KLF13: variants seen among roughly 807,000 people sequenced by gnomAD.
KLF13 encodes the protein Krueppel-like factor 13.
KLF13 carries 8 observed loss-of-function variants against 16.7 expected under a neutral mutation model. The observed-to-expected ratio is 0.48, with a 90% CI of 0.28 to 0.87. KLF13 has a LOEUF of 0.87. Ranked by LOEUF, KLF13 falls within the 40% of genes least tolerant of loss-of-function variation. The pLI, the probability that KLF13 is intolerant of heterozygous loss-of-function variation, is 0.10. For synonymous variants in KLF13, 245 were observed against 208.4 expected (o/e 1.18, Z -1.51); for missense variants, 447 against 452.2 (o/e 0.99, Z 0.10).
intron 1 of KLF13, among the ~76,000 whole-genome samples, chr15:31,338,723 A>AG (rs1196936428): frequency 6.6e-6 from 1 of 151,960 alleles, no homozygotes; most frequent in Non-Finnish European, 1.5e-5. Flanking sequence ...TCTGCAAACC[A>AG]GGGGGGCCAG....
intron 1 of KLF13, among the ~76,000 whole-genome samples, chr15:31,433,902 G>A (rs2040500452): frequency 6.6e-6 from 1 of 152,210 alleles, no homozygotes; most frequent in Non-Finnish European, 1.5e-5. Context: ...CCTAGCTCAG[G>A]GTCTTATCTG....
downstream of KLF13, among the ~76,000 whole-genome samples, chr15:31,379,536 T>C (rs577430313): frequency 1.3e-5 from 2 of 152,276 alleles, no homozygotes; most frequent in South Asian, 2.1e-4. Flanking sequence ...CCACCATTCA[T>C]GGAGCCCCCA....
chr15:31,396,633 C>T (rs1439174295), intron 2 of KLF13, among the ~76,000 whole-genome samples: 2 of 152,178 alleles, frequency 1.3e-5, no homozygotes, highest in Non-Finnish European at 2.9e-5. Flanking sequence ...CCAGCTGATC[C>T]ATGGAGTACA....
intron 1 of KLF13, among the ~76,000 whole-genome samples, chr15:31,432,518 C>T (rs1191700772): frequency 2.6e-5 from 4 of 151,142 alleles, no homozygotes; most frequent in South Asian, 2.1e-4. Context: ...GTGTGATCAC[C>T]GCTCACTGGA....
At chr15:31,379,181 G>C (rs936578983), downstream of KLF13, among the ~76,000 whole-genome samples, 1 of 152,212 alleles carries the variant, frequency 6.6e-6, no homozygotes, top group Admixed American at 6.5e-5. Flanking sequence ...CATAGACTGG[G>C]GGGAGGGAGG....
At chr15:31,378,842 C>A (rs1420819583), downstream of KLF13, among the ~76,000 whole-genome samples, 1 of 152,172 alleles carries the variant, frequency 6.6e-6, no homozygotes, top group African/African-American at 2.4e-5. Context: ...GCCTCAGCTT[C>A]CTGAGTAGCT....
upstream of KLF13, among the ~76,000 whole-genome samples, chr15:31,390,343 C>T (rs971062618): frequency 6.6e-6 from 1 of 152,192 alleles, no homozygotes; most frequent in African/African-American, 2.4e-5. Context: ...CGATGGGTTT[C>T]TGCTTTTTTG....
At chr15:31,343,891 C>T (rs1262546369) in intron 1 of KLF13, among the ~76,000 whole-genome samples, 3 of 152,146 alleles carry the variant, frequency 2.0e-5, no homozygotes, top group African/African-American at 7.2e-5. Context: ...TCTTGATCTC[C>T]TGTCCCCACC....
intron 1 of KLF13, among the ~76,000 whole-genome samples, chr15:31,331,476 T>C (rs1172518363): frequency 6.6e-6 from 1 of 152,222 alleles, no homozygotes; most frequent in Non-Finnish European, 1.5e-5. Flanking sequence ...AGAGACTTGT[T>C]TCCAAGCACA....
At chr15:31,361,049 T>C (rs1335212314) in intron 1 of KLF13, among the ~76,000 whole-genome samples, 1 of 152,184 alleles carries the variant, frequency 6.6e-6, no homozygotes, top group Non-Finnish European at 1.5e-5. Flanking sequence ...TGCAGCCTCC[T>C]GCTGCAGGGG....
intron 1 of KLF13, among the ~76,000 whole-genome samples, chr15:31,354,691 A>G (rs1451620529): frequency 6.6e-6 from 1 of 152,088 alleles, no homozygotes; most frequent in Non-Finnish European, 1.5e-5. Context: ...GGTCATATTA[A>G]TAGTTTTTAA....
Position 31,327,243 on chromosome 15 carries a change from G to A in KLF13, c.31G>A (p.Ala11Thr). 1 of 1,377,794 alleles carries A rather than the reference G, an allele frequency of 7.3e-7. No individual in the cohort carries two copies. The highest frequency in any genetic ancestry group is 9.4e-7 in the Non-Finnish European group (1 of 1,063,718). 85.3% of individuals were successfully genotyped at this position (1,377,794 alleles called of 1,614,324 possible). The change falls in exon 1 of 2, where the codon GCC becomes ACC. Residue 11 changes from alanine to threonine, a missense_variant. By Grantham distance (58) the Ala-to-Thr change is moderately conservative. Transcript: ENST00000307145. Reference sequence around the variant, plus strand: ...AGCCGCCGCCTATGTGGACCACTTCGCCGCCGAGTGCCTCGTGTCCATGTC... The same window carrying A: ...AGCCGCCGCCTATGTGGACCACTTCACCGCCGAGTGCCTCGTGTCCATGTC... Reference protein sequence around the residue: MAAAAYVDHFAAECLVSMSSR... With the variant: MAAAAYVDHFTAECLVSMSSR...
chr15:31,383,683 G>A (rs557039148), intron 1 of KLF13, among the ~76,000 whole-genome samples: 3 of 152,032 alleles, frequency 2.0e-5, no homozygotes, highest in Non-Finnish European at 2.9e-5. Flanking sequence ...GGCAGATCAC[G>A]AGGTCAGGAG....
At chr15:31,335,061 A>T (rs1248949427) in intron 1 of KLF13, among the ~76,000 whole-genome samples, 2 of 152,238 alleles carry the variant, frequency 1.3e-5, no homozygotes, top group Non-Finnish European at 2.9e-5. Flanking sequence ...ATAGCCACGT[A>T]CATGTGTAGA....
chr15:31,346,356 C>T (rs1396102455), intron 1 of KLF13, among the ~76,000 whole-genome samples: 1 of 152,214 alleles, frequency 6.6e-6, no homozygotes, highest in Non-Finnish European at 1.5e-5. Context: ...AGCTGCTGTC[C>T]TTCCCCTTCT....
chr15:31,432,023 G>A (rs1304800646), intron 1 of KLF13, among the ~76,000 whole-genome samples: 1 of 151,794 alleles, frequency 6.6e-6, no homozygotes, highest in Non-Finnish European at 1.5e-5. Flanking sequence ...GGCTACACAG[G>A]TGTTTGCTTT....
chr15:31,426,875 G>C (rs896221336), intron 1 of KLF13, among the ~76,000 whole-genome samples: 2 of 152,200 alleles, frequency 1.3e-5, no homozygotes, highest in African/African-American at 4.8e-5. Flanking sequence ...GAACAAAAAA[G>C]GCAGTAAAGA....
At chr15:31,351,589 G>T (rs1207943958) in intron 1 of KLF13, among the ~76,000 whole-genome samples, 3 of 152,226 alleles carry the variant, frequency 2.0e-5, no homozygotes, top group African/African-American at 7.2e-5. Flanking sequence ...GCAAAGGAAT[G>T]TGCATTTTCA....
intron 1 of KLF13, among the ~76,000 whole-genome samples, chr15:31,347,430 G>A (rs985006117): frequency 2.6e-5 from 4 of 152,210 alleles, no homozygotes; most frequent in African/African-American, 9.6e-5. Flanking sequence ...TGGGTGGCAA[G>A]CCCGCTAGAA....
Sources: allele counts gnomAD v4.1 joint callset (sites outside exome capture counted in the v4.1 genomes callset), GRCh38; gene constraint gnomAD v4.1.1; transcripts MANE v1.5; gene names NCBI Gene and HGNC (gene_info 2026-07-23, HGNC 2026-07-21).